The following WSCD2 variants were observed in gnomAD, a reference collection of about 807,000 sequenced individuals.
WSCD2 encodes the protein sialate:O-sulfotransferase 2.
A neutral mutation model predicts 55.7 loss-of-function variants in WSCD2; 28 were observed. That is an observed-to-expected ratio of 0.50 (90% CI 0.37 to 0.69). WSCD2 has a LOEUF of 0.69. WSCD2 is among the 30% of genes least tolerant of loss of function. WSCD2 has a pLI of 0.00. For synonymous variants in WSCD2, 301 were observed against 301.9 expected, an observed-to-expected ratio of 1.00 and a Z score of 0.03; for missense variants, 616 against 762.1, an observed-to-expected ratio of 0.81 and a Z score of 2.26.
In WSCD2 at chr12:108,231,165, G is replaced by A. The variant is rs541433014; in HGVS notation, c.980-1566G>A. The stretch of plus-strand genomic sequence containing the variant: ...GGGAGAGATGGAGGTGAGGGGCCAT[G>A]GGAGGTGAGGGAGGTTTGCCTGCCT... On this transcript the variant is annotated intron_variant, in intron 6 of 8. Coordinates refer to ENST00000547525, the MANE Select transcript of WSCD2 (RefSeq NM_014653.4). Among the ~76,000 whole-genome samples the A allele has an allele frequency of 3.9e-5, 6 of 152,270 alleles. No homozygotes were observed. The East Asian group carries it at 1.2e-3, about 29-fold the overall frequency.
At chr12:108,244,829 C>T (rs1009134205) in intron 8 of WSCD2, among the ~76,000 whole-genome samples, 1 of 152,022 alleles carries the variant, frequency 6.6e-6, no homozygotes, top group Non-Finnish European at 1.5e-5. Context: ...GCTGATCAGA[C>T]CAGGTGCTCT....
chr12:108,146,273 A>G (rs1276228194), intron 1 of WSCD2, among the ~76,000 whole-genome samples: 3 of 152,316 alleles, frequency 2.0e-5, no homozygotes, highest in Admixed American at 6.5e-5. Context: ...GGCTTTATGC[A>G]CAGAGAGCAT....
At chr12:108,164,811 G>A (rs1879448902) in intron 1 of WSCD2, among the ~76,000 whole-genome samples, 1 of 152,156 alleles carries the variant, frequency 6.6e-6, no homozygotes, top group African/African-American at 2.4e-5. Flanking sequence ...TAGGAGACAA[G>A]GAGGCCCAAT....
chr12:108,225,508 T>C (rs375738772), intron 5 of WSCD2, among the ~76,000 whole-genome samples: 2 of 152,150 alleles, frequency 1.3e-5, no homozygotes, highest in South Asian at 4.2e-4. Flanking sequence ...CCTAGAAGCA[T>C]GAAAAAATTA....
At chr12:108,239,009 CT>C (rs1889494741) in intron 7 of WSCD2, among the ~76,000 whole-genome samples, 3 of 152,214 alleles carry the variant, frequency 2.0e-5, no homozygotes, top group African/African-American at 7.2e-5. Flanking sequence ...TAGTCTCCAG[CT>C]GCACAGAACT....
chr12:108,135,793 C>T (rs1368561747), intron 1 of WSCD2, among the ~76,000 whole-genome samples: 3 of 152,246 alleles, frequency 2.0e-5, no homozygotes, highest in Admixed American at 1.3e-4. Flanking sequence ...CTATGGCCCA[C>T]AAGCCAAATC....
chr12:108,131,090 T>G (rs1157365081), intron 1 of WSCD2, among the ~76,000 whole-genome samples: 1 of 152,148 alleles, frequency 6.6e-6, no homozygotes, highest in African/African-American at 2.4e-5. Context: ...GATTCCGATC[T>G]CAGGCCAAGT....
At chr12:108,223,311 G>A (rs1215301531) in intron 4 of WSCD2, among the ~76,000 whole-genome samples, 1 of 152,002 alleles carries the variant, frequency 6.6e-6, no homozygotes, top group Admixed American at 6.5e-5. Context: ...TTAAAATGTT[G>A]GTATATGTCT....
intron 1 of WSCD2, chr12:108,167,443 T>G (rs1212331974): frequency 6.6e-6 from 1 of 152,214 alleles, no homozygotes; most frequent in Admixed American, 6.5e-5. Flanking sequence ...TTGTGTGTTC[T>G]CCACTGCCCA....
intron 2 of WSCD2, among the ~76,000 whole-genome samples, chr12:108,202,830 G>T (rs1165356007): frequency 1.3e-5 from 2 of 152,146 alleles, no homozygotes; most frequent in East Asian, 3.9e-4. Flanking sequence ...TAACAAACCT[G>T]CACATGTACC....
At position 108,229,265 on chromosome 12, in the gene WSCD2, C is replaced by G. The variant is rs114883966; in HGVS notation, c.979+2101C>G. The stretch of plus-strand genomic sequence containing the variant: ...ATGGGATAATTATTGAACACTTGCT[C>G]TGTGCCAGGCTCTGTCAAATCTTTT... On this transcript the variant is annotated intron_variant, in intron 6 of 8. Coordinates refer to ENST00000547525, the MANE Select transcript of WSCD2 (RefSeq NM_014653.4). Among the ~76,000 whole-genome samples, 670 of 152,326 alleles carry G rather than the reference C, an allele frequency of 4.4e-3. 10 individuals carry two copies. Among genetic ancestry groups the G allele is most frequent in the African/African-American group, 0.015 (642 of 41,574 alleles).
At chr12:108,235,334 C>G (rs926532587) in intron 7 of WSCD2, among the ~76,000 whole-genome samples, 2 of 152,196 alleles carry the variant, frequency 1.3e-5, no homozygotes, top group Non-Finnish European at 2.9e-5. Flanking sequence ...GGGTTGGTCT[C>G]TGACTACACA....
chr12:108,140,095 G>A (rs538351654), intron 1 of WSCD2, among the ~76,000 whole-genome samples: 17 of 152,296 alleles, frequency 1.1e-4, no homozygotes, highest in Admixed American at 3.3e-4. Flanking sequence ...GAAGGTACAC[G>A]GGGTAGAATG....
chr12:108,158,034 A>G (rs1878691692), intron 1 of WSCD2, among the ~76,000 whole-genome samples: 2 of 152,186 alleles, frequency 1.3e-5, no homozygotes, highest in South Asian at 4.1e-4. Context: ...ATGTCAGCCA[A>G]CATCCTACAC....
At chr12:108,152,098 C>A (rs1878062266) in intron 1 of WSCD2, among the ~76,000 whole-genome samples, 1 of 152,180 alleles carries the variant, frequency 6.6e-6, no homozygotes, top group Non-Finnish European at 1.5e-5. Context: ...TCTGATCCCC[C>A]CGGGAAACGC....
At chr12:108,130,745 T>C (rs891808085) in intron 1 of WSCD2, among the ~76,000 whole-genome samples, 1 of 151,962 alleles carries the variant, frequency 6.6e-6, no homozygotes, top group Non-Finnish European at 1.5e-5. Flanking sequence ...ATGAGACCAT[T>C]CCTATTGGAG....
At chr12:108,132,423 G>T (rs1003866582) in intron 1 of WSCD2, among the ~76,000 whole-genome samples, 1 of 152,194 alleles carries the variant, frequency 6.6e-6, no homozygotes, top group African/African-American at 2.4e-5. Context: ...ACTTACATGA[G>T]AACCATAAGT....
Position 108,159,992 on chromosome 12 carries a change from TGGAGA to T in WSCD2, c.-552+30067_-552+30071del, listed in dbSNP as rs150322104. On this transcript the variant is annotated intron_variant, in intron 1 of 8. Transcript: ENST00000547525. ...ACCAGGGCTCTGCGAGGGGCCTTCG[TGGAGA>T]TATTAGACACGGTATGATAGCACGA... Among the ~76,000 whole-genome samples, 332 of 152,194 alleles carry T rather than the reference TGGAGA, an allele frequency of 2.2e-3. 1 individual carries two copies. Among genetic ancestry groups the T allele is most frequent in the African/African-American group, 7.7e-3 (318 of 41,548 alleles).
chr12:108,132,578 G>A (rs917197815), intron 1 of WSCD2, among the ~76,000 whole-genome samples: 1 of 152,168 alleles, frequency 6.6e-6, no homozygotes, highest in African/African-American at 2.4e-5. Flanking sequence ...CGGTGCAAGG[G>A]TGGGTATGTA....
Sources: allele counts gnomAD v4.1 joint callset (sites outside exome capture counted in the v4.1 genomes callset), GRCh38; gene constraint gnomAD v4.1.1; transcripts MANE v1.5; gene names NCBI Gene and HGNC (gene_info 2026-07-23, HGNC 2026-07-21).